TBCEL: variants seen among roughly 807,000 people sequenced by gnomAD.
TBCEL encodes the protein tubulin folding cofactor E like.
A neutral mutation model predicts 44.2 loss-of-function variants in TBCEL; 15 were observed. The observed-to-expected ratio is 0.34, with a 90% CI of 0.23 to 0.52. The LOEUF (loss-of-function observed/expected upper bound fraction) is 0.52. TBCEL is among the 20% of genes least tolerant of loss of function. TBCEL has a pLI of 0.95. For missense variants in TBCEL, 319 were observed against 506.3 expected, an observed-to-expected ratio of 0.63 and a Z score of 3.55; for synonymous variants, 171 against 185.4, an observed-to-expected ratio of 0.92 and a Z score of 0.63.
rs79857779 is a variant in TBCEL, at chr11:121,038,724, C to G, written c.-18+2112C>G. On this transcript the variant is annotated intron_variant, in intron 2 of 8. Coordinates refer to ENST00000683345, the MANE Select transcript of TBCEL (RefSeq NM_001363644.2). Reference sequence around the variant, plus strand: ...GACCTCCCCCGACCCCCTGCAAATTCAGGCAATACATTTCTCTTTTGTCTT... The same window carrying G: ...GACCTCCCCCGACCCCCTGCAAATTGAGGCAATACATTTCTCTTTTGTCTT... 9.9e-3 allele frequency among the ~76,000 whole-genome samples: 1,500 copies of G among 152,278 alleles called. 18 individuals carry two copies. The highest frequency in any genetic ancestry group is 0.029 in the African/African-American group (1,210 of 41,548).
At chr11:121,082,185 G>C (rs1343055834) in intron 8 of TBCEL, among the ~76,000 whole-genome samples, 3 of 152,226 alleles carry the variant, frequency 2.0e-5, no homozygotes, top group African/African-American at 7.2e-5. Flanking sequence ...AGTCCTGTGG[G>C]ACAGAAGTCT....
intron 2 of TBCEL, among the ~76,000 whole-genome samples, chr11:121,041,683 C>G (rs190025628): frequency 6.6e-6 from 1 of 151,878 alleles, no homozygotes; most frequent in African/African-American, 2.4e-5. Flanking sequence ...CCTGTATTTC[C>G]TCATTTTTCA....
In TBCEL at chr11:121,087,054, T is replaced by C; in HGVS notation, c.1233T>C (p.Ile411=). The stretch of plus-strand genomic sequence containing the variant: ...CTCGGGCATTGCATTCCTTTGGCAT[T>C]AGGGATGGAGATAAAATTTACGTGG... ...YSSRALHSFG[I]RDGDKIYVES... is the part of the protein sequence containing the mutation. Residue 411 remains isoleucine (I), a synonymous_variant, in exon 9 of 9, where the codon ATT becomes ATC. Transcript: ENST00000683345. 1 of 1,613,976 alleles carries C rather than the reference T, an allele frequency of 6.2e-7. No individual in the cohort carries two copies. Among genetic ancestry groups the C allele is most frequent in the Non-Finnish European group, 8.5e-7 (1 of 1,179,946 alleles).
At chr11:121,057,653 T>C (rs1295787119) in intron 6 of TBCEL, 1 of 453,184 alleles carries the variant, frequency 2.2e-6, no homozygotes, top group South Asian at 1.6e-5. Flanking sequence ...GACTTTTTTC[T>C]TGTCATTATT....
chr11:121,085,185 C>T (rs1014981311), intron 8 of TBCEL, among the ~76,000 whole-genome samples: 2 of 151,884 alleles, frequency 1.3e-5, no homozygotes, highest in Admixed American at 1.3e-4. Context: ...ACTACAGGCG[C>T]GCACCACCAC....
At chr11:121,043,581 G>C (rs1945372234) in intron 2 of TBCEL, among the ~76,000 whole-genome samples, 1 of 152,020 alleles carries the variant, frequency 6.6e-6, no homozygotes, top group South Asian at 2.1e-4. Context: ...AGCCTCTTCA[G>C]GGCTACTGGC....
At position 121,056,048 on chromosome 11, in the gene TBCEL, G is replaced by A. The variant is rs550816138; in HGVS notation, c.712+740G>A. On this transcript the variant is annotated intron_variant, in intron 6 of 8. Coordinates refer to ENST00000683345, the MANE Select transcript of TBCEL (RefSeq NM_001363644.2). Reference sequence around the variant, plus strand: ...TCACTATTGGTGGTGTAAATTCTACGGATTTTCACAAATGTGTAGTGACAT... The same window carrying A: ...TCACTATTGGTGGTGTAAATTCTACAGATTTTCACAAATGTGTAGTGACAT... Among the ~76,000 whole-genome samples the A allele has an allele frequency of 1.9e-4, 29 of 151,406 alleles. 2 individuals carry two copies. In the South Asian group the frequency reaches 4.4e-3, roughly 23 times the overall value.
chr11:121,066,793 T>C (rs530863033), intron 8 of TBCEL, among the ~76,000 whole-genome samples: 3 of 152,326 alleles, frequency 2.0e-5, no homozygotes, highest in South Asian at 2.1e-4. Flanking sequence ...AAAATGTCAA[T>C]GAATAGCACA....
chr11:121,081,925 C>G (rs1258334441), intron 8 of TBCEL, among the ~76,000 whole-genome samples: 1 of 152,086 alleles, frequency 6.6e-6, no homozygotes, highest in Non-Finnish European at 1.5e-5. Context: ...CATCCAAAGC[C>G]TAACCCATCT....
At chr11:121,076,774 A>G (rs1946041265) in intron 8 of TBCEL, among the ~76,000 whole-genome samples, 1 of 151,984 alleles carries the variant, frequency 6.6e-6, no homozygotes, top group Non-Finnish European at 1.5e-5. Flanking sequence ...CACCACTAAA[A>G]GTGATGTTAG....
intron 8 of TBCEL, among the ~76,000 whole-genome samples, chr11:121,085,460 T>C (rs1280013943): frequency 6.6e-6 from 1 of 152,232 alleles, no homozygotes; most frequent in East Asian, 1.9e-4. Context: ...TTGGTTCTTA[T>C]GACTGTCTTA....
chr11:121,037,073 CT>C lies in TBCEL; in HGVS notation c.-18+462del, dbSNP rs1443884913. Among the ~76,000 whole-genome samples the C allele has an allele frequency of 2.6e-5, 4 of 152,220 alleles. No homozygotes were observed. The East Asian group carries it at 7.7e-4, about 29-fold the overall frequency. Reference sequence around the variant, plus strand: ...TCAGGAGTCCAAATTCACATTTCATCTGGCAGTGTTGGATTTTTAAAAAACC... The same window carrying C: ...TCAGGAGTCCAAATTCACATTTCATCGGCAGTGTTGGATTTTTAAAAAACC... On this transcript the variant is annotated intron_variant, in intron 2 of 8. Transcript: ENST00000683345.
chr11:121,034,737 A>G (rs976269032), intron 1 of TBCEL, among the ~76,000 whole-genome samples: 1 of 152,242 alleles, frequency 6.6e-6, no homozygotes, highest in Non-Finnish European at 1.5e-5. Context: ...CATGAAAAAT[A>G]AGGGTATATT....
At chr11:121,041,608 G>A (rs764667724) in intron 2 of TBCEL, among the ~76,000 whole-genome samples, 21 of 152,038 alleles carry the variant, frequency 1.4e-4, no homozygotes, top group Non-Finnish European at 2.6e-4. Flanking sequence ...TTTCCAAAAT[G>A]TCATAGATTA....
intron 4 of TBCEL, among the ~76,000 whole-genome samples, chr11:121,050,467 C>T (rs1308451692): frequency 6.6e-6 from 1 of 151,668 alleles, no homozygotes; most frequent in African/African-American, 2.4e-5. Context: ...AGAAGTAATA[C>T]TTCTGGGGAG....
intron 8 of TBCEL, among the ~76,000 whole-genome samples, chr11:121,072,749 G>T (rs1276619859): frequency 6.6e-6 from 1 of 151,844 alleles, no homozygotes; most frequent in Non-Finnish European, 1.5e-5. Flanking sequence ...TTAACTCTGT[G>T]GTTTATTCTT....
At chr11:121,081,879 C>A (rs916223119) in intron 8 of TBCEL, among the ~76,000 whole-genome samples, 1 of 152,074 alleles carries the variant, frequency 6.6e-6, no homozygotes, top group African/African-American at 2.4e-5. Flanking sequence ...ACTCTTTCTT[C>A]TTTTGTATTT....
intron 8 of TBCEL, among the ~76,000 whole-genome samples, chr11:121,065,094 G>A (rs1004924911): frequency 6.6e-6 from 1 of 152,126 alleles, no homozygotes; most frequent in African/African-American, 2.4e-5. Context: ...CCAAAGTGCT[G>A]GGATTATAGG....
At chr11:121,064,849 A>T (rs4594010) in intron 8 of TBCEL, among the ~76,000 whole-genome samples, 2 of 151,644 alleles carry the variant, frequency 1.3e-5, no homozygotes, top group African/African-American at 2.4e-5. Flanking sequence ...TCTTTTGAGG[A>T]GGAGTCTCAC....
Sources: gnomAD v4.1 joint callset for allele counts (sites outside exome capture counted in the v4.1 genomes callset) on GRCh38, gnomAD v4.1.1 for gene constraint, MANE v1.5 for transcripts, NCBI Gene and HGNC (gene_info 2026-07-23, HGNC 2026-07-21) for gene names.